Variants in EPS15L1 observed in about 807,000 individuals in gnomAD.
EPS15L1 encodes epidermal growth factor receptor substrate 15-like 1.
EPS15L1 carries 43 observed loss-of-function variants against 117.1 expected under a neutral mutation model. That is an observed-to-expected ratio of 0.37 (90% CI 0.29 to 0.47). The LOEUF (loss-of-function observed/expected upper bound fraction) is 0.47, where lower values mean the gene tolerates loss of function less well. Ranked by LOEUF, EPS15L1 falls within the 20% of genes least tolerant of loss-of-function variation. The probability of loss-of-function intolerance (pLI) is 0.99; values close to 1 mark genes in which losing one functional copy is unlikely to be tolerated. For missense variants in EPS15L1, 981 were observed against 1,164.0 expected (o/e 0.84, Z 2.29); for synonymous variants, 459 against 470.5 (o/e 0.98, Z 0.32).
intron 4 of EPS15L1, 91 bp from the exon 5 acceptor site, chr19:16,437,956 G>T: frequency 1.0e-6 from 1 of 965,154 alleles, no homozygotes. Flanking sequence ...AGGGAAAGAG[G>T]ATGTGCACTT....
chr19:16,371,084 C>T lies in EPS15L1; in HGVS notation c.2380+6038G>A, dbSNP rs2092217820. Among the ~76,000 whole-genome samples, 1 of 152,250 alleles carries T rather than the reference C, an allele frequency of 6.6e-6. No homozygotes were observed. The highest frequency in any genetic ancestry group is 1.5e-5 in the Non-Finnish European group (1 of 68,050). On this transcript the variant is annotated intron_variant, in intron 22 of 23. Coordinates refer to ENST00000455140, the MANE Select transcript of EPS15L1 (RefSeq NM_001258374.3). This position sits in a 1 kb window ranked among gnomAD's most constrained non-coding sequence, Gnocchi z 4.7. Reference sequence around the variant, plus strand: ...AGTAGTTAAGTTCAAGGCTGAGGTGCTAACCGCAGGGTTCAAATGGAGATG... The same window carrying T: ...AGTAGTTAAGTTCAAGGCTGAGGTGTTAACCGCAGGGTTCAAATGGAGATG...
At position 16,393,666 on chromosome 19, in the gene EPS15L1, A is replaced by T. The variant is rs970504982; in HGVS notation, c.1966+285T>A. Among the ~76,000 whole-genome samples, 172 of 149,670 alleles carry T rather than the reference A, an allele frequency of 1.1e-3. 1 individual carries two copies. Among genetic ancestry groups the T allele is most frequent in the African/African-American group, 3.1e-3 (125 of 40,792 alleles). ...TCCGTCTCAAAAAAAAAAAAAATAA[A>T]AAATAAATAAATAAATAAATAAATA... is the stretch of plus-strand genomic sequence containing the variant. On this transcript the variant is annotated intron_variant, in intron 18 of 23. Transcript: ENST00000455140.
At chr19:16,364,577 G>A (rs10402422) in intron 22 of EPS15L1, among the ~76,000 whole-genome samples, 95,622 of 152,072 alleles carry the variant, frequency 0.63, 30,812 homozygotes, top group South Asian at 0.74. Context: ...ACCTTGAGAC[G>A]GCCTCCCATG....
At chr19:16,441,811 G>T in intron 3 of EPS15L1, 81 bp downstream of exon 3, 3 of 1,093,290 alleles carry the variant, frequency 2.7e-6, no homozygotes, top group Non-Finnish European at 4.0e-6. Flanking sequence ...ATGGAAGGAG[G>T]CCTGCACAGG....
chr19:16,409,376 G>A (rs769238150), intron 13 of EPS15L1, among the ~76,000 whole-genome samples: 56 of 152,210 alleles, frequency 3.7e-4, no homozygotes, highest in Middle Eastern at 3.4e-3. Flanking sequence ...ATGGAAAAGC[G>A]AAAACTATAA....
chr19:16,420,255 G>A (rs565863395), intron 10 of EPS15L1, among the ~76,000 whole-genome samples: 6 of 152,166 alleles, frequency 3.9e-5, no homozygotes, highest in Non-Finnish European at 8.8e-5. Flanking sequence ...GATTTCCTGT[G>A]TCATTTCCAT....
intron 19 of EPS15L1, among the ~76,000 whole-genome samples, chr19:16,390,951 T>G (rs940641612): frequency 1.3e-5 from 2 of 152,182 alleles, no homozygotes; most frequent in African/African-American, 4.8e-5. Context: ...TATTTTAAGT[T>G]GAAAATGTAC....
Position 16,450,810 on chromosome 19 carries a change from G to A in EPS15L1, c.34-8591C>T, listed in dbSNP as rs75449023. Among the ~76,000 whole-genome samples, 1,302 of 151,580 alleles carry A rather than the reference G, an allele frequency of 8.6e-3. 7 individuals carry two copies. Among genetic ancestry groups the A allele is most frequent in the Non-Finnish European group, 0.012 (796 of 67,866 alleles). The stretch of plus-strand genomic sequence containing the variant: ...GGCATGTCCAACTTCTGCTGGTCTC[G>A]CAAGGTGGTCATTTGGGTCCCCAGA... On this transcript the variant is annotated intron_variant, in intron 1 of 23. Coordinates refer to ENST00000455140, the MANE Select transcript of EPS15L1 (RefSeq NM_001258374.3).
chr19:16,362,139 C>T (rs2092063876), intron 22 of EPS15L1, among the ~76,000 whole-genome samples, 155 bp from the exon 23 acceptor site: 1 of 152,168 alleles, frequency 6.6e-6, no homozygotes, highest in African/African-American at 2.4e-5. Context: ...CCTGGGGAAT[C>T]CCAGTTTTAA....
Position 16,425,089 on chromosome 19 carries a change from T to C in EPS15L1, c.786A>G (p.Gln262=), listed in dbSNP as rs757115152. 6.2e-7 allele frequency: 1 copy of C among 1,614,008 alleles called. No homozygotes were observed. The highest frequency in any genetic ancestry group is 1.1e-5 in the South Asian group (1 of 91,084). ...CCCGCTGAGGGCTCCGTACCTGTGT[T>C]TGCTTGAGGCTGTGCTTGGGGGACA... ...GSLSPKHSLK[Q]TQPTVNWVVP... Residue 262 remains glutamine, a synonymous_variant, in exon 9 of 24, where the codon CAA becomes CAG. Transcript: ENST00000455140.
At chr19:16,393,366 G>T (rs537460763) in intron 18 of EPS15L1, among the ~76,000 whole-genome samples, 3 of 151,860 alleles carry the variant, frequency 2.0e-5, no homozygotes, top group African/African-American at 7.2e-5. Flanking sequence ...AAAATAAATC[G>T]GTCGGGCATG....
chr19:16,400,402 G>A lies in EPS15L1; in HGVS notation c.1791+1919C>T, dbSNP rs149941603. 1.1e-3 allele frequency among the ~76,000 whole-genome samples: 166 copies of A among 150,074 alleles called. 1 individual carries two copies. The highest frequency in any genetic ancestry group is 3.7e-3 in the African/African-American group (150 of 40,810). ...GACTTTTGAGATAAAGTCACACTGC[G>A]TGAGCTTCACATGGAATTTAGTAAC... On this transcript the variant is annotated intron_variant, in intron 16 of 23. Transcript: ENST00000455140.
intron 1 of EPS15L1, among the ~76,000 whole-genome samples, chr19:16,461,305 T>TAAAA (rs749124401): frequency 1.0e-5 from 1 of 99,990 alleles, no homozygotes. Flanking sequence ...CTCCGTCTCT[T>TAAAA]AAAAAAAAAA....
At chr19:16,401,192 A>T (rs1403360154) in intron 16 of EPS15L1, 1 of 985,306 alleles carries the variant, frequency 1.0e-6, no homozygotes. Flanking sequence ...GGAAAGAGGG[A>T]GGCGGTGCAC....
chr19:16,385,071 A>G (rs1568406267), intron 21 of EPS15L1, 58 bp downstream of exon 21: 20 of 1,363,702 alleles, frequency 1.5e-5, no homozygotes, highest in Non-Finnish European at 1.9e-5. Context: ...AGCCCACACC[A>G]TGACAAGAGG....
intron 3 of EPS15L1, chr19:16,441,246 G>T: frequency 2.9e-6 from 1 of 341,342 alleles, no homozygotes; most frequent in South Asian, 2.6e-5. Context: ...CAAGGTGGGC[G>T]ATTCACCTGA....
At chr19:16,470,862 C>G (rs1380563767) in intron 1 of EPS15L1, among the ~76,000 whole-genome samples, 1 of 152,136 alleles carries the variant, frequency 6.6e-6, no homozygotes, top group Non-Finnish European at 1.5e-5. Flanking sequence ...ATATGCTAGG[C>G]ACTGTTCTAA....
intron 19 of EPS15L1, among the ~76,000 whole-genome samples, chr19:16,391,549 C>T (rs946019699): frequency 7.2e-5 from 11 of 151,820 alleles, no homozygotes; most frequent in Admixed American, 7.2e-4. Context: ...TGGGTTGCAG[C>T]CTAGAAAACG....
chr19:16,361,699 C>T (rs2092053524), intron 23 of EPS15L1, 80 bp downstream of exon 23: 1 of 1,499,644 alleles, frequency 6.7e-7, no homozygotes. Context: ...GGAGGTTTGC[C>T]TTTAAAAGGA....
Sources: gnomAD v4.1 joint callset for allele counts (sites outside exome capture counted in the v4.1 genomes callset) on GRCh38, gnomAD v4.1.1 for gene constraint, Gnocchi (gnomAD v3.1) non-coding constraint, MANE v1.5 for transcripts, NCBI Gene and HGNC (gene_info 2026-07-23, HGNC 2026-07-21) for gene names.